Variants in GPR55 observed in about 807,000 individuals in gnomAD.
The protein encoded by GPR55 is G protein-coupled receptor 55.
In GPR55, 6 loss-of-function variants were observed where a neutral mutation model predicts 7.9. The ratio of observed to expected loss-of-function variants is 0.76; its 90% confidence interval spans 0.41 to 1.49. The LOEUF (loss-of-function observed/expected upper bound fraction) is 1.49, where lower values mean the gene tolerates loss of function less well. Ranked by LOEUF, GPR55 falls within the 40% of genes most tolerant of loss-of-function variation. The probability of loss-of-function intolerance (pLI) is 0.01; values close to 1 mark genes in which losing one functional copy is unlikely to be tolerated. For missense variants in GPR55, 376 were observed against 406.0 expected (o/e 0.93, Z 0.63); for synonymous variants, 183 against 166.8 (o/e 1.10, Z -0.75).
intron 1 of GPR55, among the ~76,000 whole-genome samples, chr2:230,956,217 T>C (rs890082756): frequency 1.3e-5 from 2 of 152,142 alleles, no homozygotes; most frequent in Admixed American, 6.5e-5. Context: ...CAGGCTGGAG[T>C]GCAGTGGTGA....
intron 1 of GPR55, among the ~76,000 whole-genome samples, chr2:230,942,491 G>A (rs1486834369): frequency 1.3e-5 from 2 of 152,244 alleles, no homozygotes; most frequent in African/African-American, 4.8e-5. Context: ...CCAATGGAGG[G>A]CAGGTGGAAG....
chr2:230,913,211 T>C (rs985707597), intron 1 of GPR55, among the ~76,000 whole-genome samples: 2 of 152,168 alleles, frequency 1.3e-5, no homozygotes, highest in Non-Finnish European at 2.9e-5. Context: ...AATTCCACAA[T>C]AAGCATTCCT....
At chr2:230,956,938 T>C (rs1243251376) in intron 1 of GPR55, among the ~76,000 whole-genome samples, 1 of 150,888 alleles carries the variant, frequency 6.6e-6, no homozygotes, top group Non-Finnish European at 1.5e-5. Flanking sequence ...TTTTTTTCAG[T>C]TCTAAGATCC....
chr2:230,922,938 G>A (rs930603455), intron 1 of GPR55, among the ~76,000 whole-genome samples: 3 of 152,118 alleles, frequency 2.0e-5, no homozygotes, highest in East Asian at 3.8e-4. Context: ...TTCTGGGATC[G>A]AGCAATCCTC....
chr2:230,938,146 C>CAAAAA (rs59307128), intron 1 of GPR55, among the ~76,000 whole-genome samples: 1 of 19,900 alleles, frequency 5.0e-5, no homozygotes, highest in Admixed American at 6.7e-4. Context: ...GACCCTGTCT[C>CAAAAA]AAAAAAAAAA....
chr2:230,943,065 GAAAAGAGAGAGAGAGGAGA>G, intron 1 of GPR55, among the ~76,000 whole-genome samples: 1 of 147,500 alleles, frequency 6.8e-6, no homozygotes, highest in Non-Finnish European at 1.5e-5. Context: ...GAGGGAGAGA[GAAAAGAGAGAGAGAGGAGA>G]GAAAGAGAGA....
chr2:230,950,668 G>C (rs7573492), intron 1 of GPR55, among the ~76,000 whole-genome samples: 2,245 of 152,242 alleles, frequency 0.015, 60 homozygotes, highest in African/African-American at 0.051. Context: ...GTTGGCTTTT[G>C]TCCACAGTTT....
chr2:230,952,273 A>G (rs1170608851), intron 1 of GPR55, among the ~76,000 whole-genome samples: 2 of 150,424 alleles, frequency 1.3e-5, no homozygotes, highest in South Asian at 2.1e-4. Flanking sequence ...TGCTCCTTCT[A>G]TGCTAAAGTG....
At chr2:230,932,252 G>A (rs1405370885) in intron 1 of GPR55, among the ~76,000 whole-genome samples, 7 of 152,158 alleles carry the variant, frequency 4.6e-5, no homozygotes, top group Admixed American at 4.6e-4. Context: ...GCATCCAGAG[G>A]GCAGGAAACA....
Position 230,910,586 on chromosome 2 carries a change from G to T in GPR55, c.377C>A (p.Pro126Gln). The T allele has an allele frequency of 6.2e-7, 1 of 1,613,952 alleles. No homozygotes were observed. The highest frequency in any genetic ancestry group is 2.2e-5 in the East Asian group (1 of 44,886). ...GGACCGGAGGTGGCTCACCAGTAGC[G>T]GGTAACGGATGGCCAAGAACCGGTC... ...SMDRFLAIRY[P>Q]LLVSHLRSPR... Residue 126 changes from proline to glutamine, a missense_variant, in exon 2 of 2, where the codon CCG (proline) becomes CAG (glutamine). By Grantham distance (76) the Pro-to-Gln change is moderately conservative (BLOSUM62 -1). Transcript: ENST00000650999. This position sits in a 1 kb window ranked among gnomAD's most constrained non-coding sequence, Gnocchi z 5.4.
rs73992986 is a variant in GPR55 at position 230,934,705 on chromosome 2, A to G, written c.-134-23609T>C. Among the ~76,000 whole-genome samples the G allele has an allele frequency of 9.2e-3, 1,391 of 151,828 alleles. 21 individuals are homozygous for G. Among genetic ancestry groups the G allele is most frequent in the African/African-American group, 0.032 (1,318 of 41,402 alleles). On this transcript the variant is annotated intron_variant, in intron 1 of 1. Coordinates refer to the GPR55 transcript ENST00000392039. ...GTTTGCTATCTGGGGTGGGGTGAGG[A>G]TGACCATCTGTTCTGGTTTGCCCAG...
intron 1 of GPR55, among the ~76,000 whole-genome samples, chr2:230,958,329 A>G (rs1691522392): frequency 6.6e-6 from 1 of 152,208 alleles, no homozygotes; most frequent in South Asian, 2.1e-4. Flanking sequence ...CAGACATGCA[A>G]TTGTAAAATC....
chr2:230,911,303 C>T (rs1690586830), intron 1 of GPR55, among the ~76,000 whole-genome samples: 1 of 152,130 alleles, frequency 6.6e-6, no homozygotes, highest in Non-Finnish European at 1.5e-5. Flanking sequence ...CAGCACATAC[C>T]CAGACCCAAA....
intron 1 of GPR55, among the ~76,000 whole-genome samples, chr2:230,919,538 G>T (rs961602143): frequency 6.6e-6 from 1 of 152,126 alleles, no homozygotes; most frequent in African/African-American, 2.4e-5. Context: ...AAAGAATTTG[G>T]CAAGGGTTCT....
intron 1 of GPR55, among the ~76,000 whole-genome samples, chr2:230,954,950 T>C (rs1243315204): frequency 2.0e-5 from 3 of 152,238 alleles, no homozygotes; most frequent in Non-Finnish European, 4.4e-5. Flanking sequence ...ATCCTTAATA[T>C]AGTCTTCTAA....
chr2:230,939,605 G>A (rs1691189599), intron 1 of GPR55, among the ~76,000 whole-genome samples: 1 of 152,162 alleles, frequency 6.6e-6, no homozygotes, highest in African/African-American at 2.4e-5. Context: ...TGAGCAGGAG[G>A]CCAGAGGATT....
At chr2:230,933,314 C>A (rs2125062634) in intron 1 of GPR55, among the ~76,000 whole-genome samples, 1 of 152,268 alleles carries the variant, frequency 6.6e-6, no homozygotes, top group Admixed American at 6.5e-5. Context: ...ACTGCCCCAT[C>A]TCCCTCCCAT....
intron 1 of GPR55, among the ~76,000 whole-genome samples, chr2:230,918,524 C>T (rs528145594): frequency 2.0e-5 from 3 of 152,216 alleles, no homozygotes; most frequent in African/African-American, 4.8e-5. Context: ...AGATAATCCC[C>T]GTGCCCTATA....
intron 1 of GPR55, among the ~76,000 whole-genome samples, chr2:230,943,059 GAGAGAGA>G (rs1691258543): frequency 6.6e-6 from 1 of 151,708 alleles, no homozygotes; most frequent in Admixed American, 6.6e-5. Flanking sequence ...AGAGAGGAGG[GAGAGAGA>G]AAAGAGAGAG....
Sources: allele counts gnomAD v4.1 joint callset (sites outside exome capture counted in the v4.1 genomes callset), GRCh38; gene constraint gnomAD v4.1.1; non-coding constraint Gnocchi (gnomAD v3.1); transcripts MANE v1.5; gene names NCBI Gene and HGNC (gene_info 2026-07-23, HGNC 2026-07-21).